Variants in BDH1 observed in about 807,000 individuals in gnomAD.
The protein encoded by BDH1 is 3-hydroxybutyrate dehydrogenase 1, also known as D-beta-hydroxybutyrate dehydrogenase, mitochondrial.
A neutral mutation model predicts 33.1 loss-of-function variants in BDH1; 30 were observed. That is an observed-to-expected ratio of 0.91 (90% CI 0.68 to 1.23). The LOEUF is 1.23. Ranked by LOEUF, BDH1 falls within the 50% of genes most tolerant of loss-of-function variation. The pLI, the probability that BDH1 is intolerant of heterozygous loss-of-function variation, is 0.00. For missense variants in BDH1, 443 were observed against 464.4 expected (o/e 0.95, Z 0.42); for synonymous variants, 190 against 183.6 (o/e 1.03, Z -0.28).
intron 5 of BDH1, chr3:197,530,888 C>A (rs891072000): frequency 3.9e-5 from 6 of 152,512 alleles, no homozygotes; most frequent in Admixed American, 3.3e-4. Context: ...TGGAGTGGAA[C>A]AGATAGGGGT....
chr3:197,546,213 C>T, intron 3 of BDH1, 148 bp downstream of exon 3: 1 of 719,742 alleles, frequency 1.4e-6, no homozygotes, highest in Non-Finnish European at 2.4e-6. Context: ...TCCCAGGACA[C>T]CTCTGAGTTT....
chr3:197,546,596 A>C, intron 2 of BDH1, 110 bp from the exon 3 acceptor site: 2 of 671,444 alleles, frequency 3.0e-6, no homozygotes, highest in East Asian at 2.8e-5. Context: ...CATCTGTTCC[A>C]CCCAGCTCCA....
intron 3 of BDH1, among the ~76,000 whole-genome samples, chr3:197,542,602 C>T (rs183860368): frequency 5.2e-4 from 77 of 147,792 alleles, no homozygotes; most frequent in African/African-American, 1.9e-3. Flanking sequence ...CGGCTCACCG[C>T]AACCTCTTCC....
rs1031213766 is a variant in BDH1, at chr3:197,528,568, G to A, written c.267+3844C>T. On this transcript the variant is annotated intron_variant, in intron 5 of 7. Coordinates refer to ENST00000392379, the MANE Select transcript of BDH1 (RefSeq NM_203314.3). The surrounding 1 kb of genome is among the most constrained non-coding windows in gnomAD (Gnocchi z 5.1). ...CAAATTCCCCCTTTCAACCCCCACG[G>A]TGCCTTATCCAAAGCCTCTGGTGGT... 2 of 152,206 alleles carry A rather than the reference G, an allele frequency of 1.3e-5. No individual in the cohort carries two copies. The highest frequency in any genetic ancestry group is 4.8e-5 in the African/African-American group (2 of 41,432). 9.4% of individuals were successfully genotyped at this position (152,206 alleles called of 1,614,324 possible).
chr3:197,522,868 C>G lies in BDH1; in HGVS notation c.268-87G>C. 1 of 1,521,750 alleles carries G rather than the reference C, an allele frequency of 6.6e-7. No individual in the cohort carries two copies. The highest frequency in any genetic ancestry group is 8.9e-7 in the Non-Finnish European group (1 of 1,125,224). The allele number at this position is 1,521,750 out of a possible 1,614,324, so 94.3% of individuals were successfully genotyped here. A position where few individuals can be genotyped will look rare whatever the true frequency, so the allele number is the denominator to read the frequency against. Reference sequence around the variant, plus strand: ...GACTCCTGTCAAGGCAGGAGCTGGCCTCAAGTCCCAGCCAAAGCCTCAGGC... The same window carrying G: ...GACTCCTGTCAAGGCAGGAGCTGGCGTCAAGTCCCAGCCAAAGCCTCAGGC... On this transcript the variant is annotated intron_variant, in intron 5 of 7. Transcript: ENST00000392379. The surrounding 1 kb of genome is among the most constrained non-coding windows in gnomAD (Gnocchi z 4.8).
upstream of BDH1, among the ~76,000 whole-genome samples, chr3:197,560,397 C>T (rs1560346281): frequency 6.6e-6 from 1 of 152,222 alleles, no homozygotes; most frequent in Admixed American, 6.5e-5. Context: ...CAGCATTCCA[C>T]AAGTTACTTT....
chr3:197,572,685 T>C (rs879469073), intron 1 of BDH1, among the ~76,000 whole-genome samples: 1 of 152,116 alleles, frequency 6.6e-6, no homozygotes, highest in Non-Finnish European at 1.5e-5. Context: ...TGCAGTGAGG[T>C]ATGATTGTAC....
At position 197,533,821 on chromosome 3, in the gene BDH1, A is replaced by G. The variant is rs555427498; in HGVS notation, c.84-260T>C. 44 of 494,836 alleles carry G rather than the reference A, an allele frequency of 8.9e-5. No homozygotes were observed. The East Asian group carries it at 1.2e-3, about 14-fold the overall frequency. The allele number at this position is 494,836 out of a possible 1,614,324, so 30.7% of individuals were successfully genotyped here. A position where few individuals can be genotyped will look rare whatever the true frequency, so the allele number is the denominator to read the frequency against. ...AATTCTGAAGCTACTTTTGTTGGGC[A>G]GGCTCTGCTAAACCCTGGCCATCCA... On this transcript the variant is annotated intron_variant, in intron 3 of 7. Coordinates refer to ENST00000392379, the MANE Select transcript of BDH1 (RefSeq NM_203314.3).
At chr3:197,555,341 C>T (rs962157283) in intron 1 of BDH1, 4 of 152,442 alleles carry the variant, frequency 2.6e-5, no homozygotes, top group African/African-American at 9.6e-5. Context: ...AGGCAGGACA[C>T]CTGGCTTCGG....
intron 1 of BDH1, among the ~76,000 whole-genome samples, chr3:197,571,749 A>T (rs1414817631): frequency 6.6e-6 from 1 of 152,232 alleles, no homozygotes; most frequent in Non-Finnish European, 1.5e-5. Flanking sequence ...CAATAAGGAA[A>T]TGGATGAATA....
At chr3:197,568,967 C>T (rs925739960) in intron 1 of BDH1, among the ~76,000 whole-genome samples, 1 of 152,212 alleles carries the variant, frequency 6.6e-6, no homozygotes, top group African/African-American at 2.4e-5. Flanking sequence ...ATGTACCAGC[C>T]ACTGTGACAA....
intron 2 of BDH1, among the ~76,000 whole-genome samples, chr3:197,549,572 T>A (rs1218388005): frequency 6.6e-6 from 1 of 152,176 alleles, no homozygotes; most frequent in Non-Finnish European, 1.5e-5. Context: ...AACTCAGGTG[T>A]TTCTGGACAT....
rs143540058 is a variant in BDH1, at chr3:197,511,483, G to A, written c.*412C>T. The stretch of plus-strand genomic sequence containing the variant: ...CACATAACTGGCACTATTTATAAGC[G>A]ATAAAAGGGTTATTTCATGCATCCT... On this transcript the variant is annotated 3_prime_UTR_variant, in exon 8 of 8. Transcript: ENST00000392379. 344 of 192,666 alleles carry A rather than the reference G, an allele frequency of 1.8e-3. No individual in the cohort carries two copies. The highest frequency in any genetic ancestry group is 7.5e-3 in the African/African-American group (325 of 43,084). The allele number at this position is 192,666 out of a possible 1,614,324, so 11.9% of individuals were successfully genotyped here. A position where few individuals can be genotyped will look rare whatever the true frequency, so the allele number is the denominator to read the frequency against.
chr3:197,564,658 G>A (rs1717374566), intron 1 of BDH1, among the ~76,000 whole-genome samples: 1 of 152,168 alleles, frequency 6.6e-6, no homozygotes, highest in African/African-American at 2.4e-5. Flanking sequence ...GAGATTGTAA[G>A]AGCCAATGTT....
At chr3:197,558,686 C>G (rs916322144), upstream of BDH1, among the ~76,000 whole-genome samples, 19 of 152,240 alleles carry the variant, frequency 1.2e-4, no homozygotes, top group African/African-American at 3.9e-4. Flanking sequence ...CACACCTTAT[C>G]AGACCCCGCA....
In BDH1 at chr3:197,526,192, G is replaced by A. The variant is rs1042315867; in HGVS notation, c.268-3411C>T. 2.6e-5 allele frequency among the ~76,000 whole-genome samples: 4 copies of A among 152,150 alleles called. No individual in the cohort carries two copies. The highest frequency in any genetic ancestry group is 1.5e-5 in the Non-Finnish European group (1 of 68,020). On this transcript the variant is annotated intron_variant, in intron 5 of 7. Coordinates refer to ENST00000392379, the MANE Select transcript of BDH1 (RefSeq NM_203314.3). This position sits in a 1 kb window ranked among gnomAD's most constrained non-coding sequence, Gnocchi z 4.7. ...TCAGTCTCTTAAGCAAATAATTCCAGCCCAGCCTGGTTTGAGAACCCAAAC... is the reference window on the plus strand; with the variant it reads ...TCAGTCTCTTAAGCAAATAATTCCAACCCAGCCTGGTTTGAGAACCCAAAC...
chr3:197,553,527 CAAAAAA>C (rs750811753), intron 2 of BDH1, among the ~76,000 whole-genome samples: 2 of 97,076 alleles, frequency 2.1e-5, no homozygotes, highest in Admixed American at 1.1e-4. Flanking sequence ...GACTCTGTCT[CAAAAAA>C]AAAAAAAAAA....
At chr3:197,564,418 A>G (rs1378920230) in intron 1 of BDH1, among the ~76,000 whole-genome samples, 1 of 152,156 alleles carries the variant, frequency 6.6e-6, no homozygotes, top group East Asian at 1.9e-4. Context: ...TAAGGTTATT[A>G]CACCCATATG....
intron 1 of BDH1, among the ~76,000 whole-genome samples, chr3:197,564,376 GA>G (rs1018298800): frequency 6.6e-6 from 1 of 150,802 alleles, no homozygotes; most frequent in Non-Finnish European, 1.5e-5. Context: ...TTTGCTTAGG[GA>G]AAAAACTGAG....
Sources: gnomAD v4.1 joint callset for allele counts (sites outside exome capture counted in the v4.1 genomes callset) on GRCh38, gnomAD v4.1.1 for gene constraint, Gnocchi (gnomAD v3.1) non-coding constraint, MANE v1.5 for transcripts, NCBI Gene and HGNC (gene_info 2026-07-23, HGNC 2026-07-21) for gene names.